CDC42BPA: variants seen among roughly 807,000 people sequenced by gnomAD.
The protein encoded by CDC42BPA is CDC42 binding protein kinase alpha.
Under a neutral mutation model 223.5 loss-of-function variants are expected in CDC42BPA, and 80 were observed. The ratio of observed to expected loss-of-function variants is 0.36; its 90% CI spans 0.30 to 0.43. The LOEUF (loss-of-function observed/expected upper bound fraction) is 0.43, where lower values mean the gene tolerates loss of function less well. CDC42BPA is among the 20% of genes least tolerant of loss of function. CDC42BPA has a pLI of 1.00. For missense variants in CDC42BPA, 1,743 were observed against 2,099.9 expected, an observed-to-expected ratio of 0.83 and a Z score of 3.32; for synonymous variants, 694 against 718.6, an observed-to-expected ratio of 0.97 and a Z score of 0.55.
intron 1 of CDC42BPA, among the ~76,000 whole-genome samples, chr1:227,299,452 A>T (rs758012428): frequency 3.9e-5 from 6 of 152,208 alleles, no homozygotes; most frequent in African/African-American, 1.2e-4. Context: ...AATGGTTTAC[A>T]TGTTTTTTAG....
At chr1:227,125,185 C>T (rs1364986258) in intron 11 of CDC42BPA, among the ~76,000 whole-genome samples, 2 of 133,570 alleles carry the variant, frequency 1.5e-5, no homozygotes, top group South Asian at 2.6e-4. Flanking sequence ...AACAATTCTA[C>T]TTGAGATAAA....
intron 6 of CDC42BPA, among the ~76,000 whole-genome samples, chr1:227,150,069 CA>C (rs1418668040): frequency 6.6e-6 from 1 of 151,554 alleles, no homozygotes; most frequent in Non-Finnish European, 1.5e-5. Flanking sequence ...ACAAAAAATA[CA>C]AAAATTAGCT....
chr1:227,090,708 G>T (rs576645347), intron 16 of CDC42BPA, among the ~76,000 whole-genome samples: 3 of 152,210 alleles, frequency 2.0e-5, no homozygotes, highest in Admixed American at 6.5e-5. Flanking sequence ...CAACTCAGGA[G>T]GCTGAGGCAG....
chr1:227,088,956 C>T (rs1030635977), intron 16 of CDC42BPA, among the ~76,000 whole-genome samples: 5 of 152,078 alleles, frequency 3.3e-5, no homozygotes, highest in African/African-American at 7.2e-5. Context: ...AAACTCCTGA[C>T]GTCAAGCGAT....
chr1:227,018,536 G>A (rs2148519676), intron 32 of CDC42BPA, among the ~76,000 whole-genome samples: 1 of 152,282 alleles, frequency 6.6e-6, no homozygotes, highest in Non-Finnish European at 1.5e-5. Context: ...GAAAAGACAA[G>A]TCAGAATAGG....
At chr1:226,996,828 A>G (rs1172930865) in intron 35 of CDC42BPA, among the ~76,000 whole-genome samples, 2 of 152,200 alleles carry the variant, frequency 1.3e-5, no homozygotes, top group African/African-American at 2.4e-5. Flanking sequence ...CGTGGTGGAT[A>G]AGCTTTTTGA....
intron 1 of CDC42BPA, among the ~76,000 whole-genome samples, 157 bp downstream of exon 1, chr1:227,316,848 T>G (rs1195279650): frequency 6.6e-6 from 1 of 152,208 alleles, no homozygotes; most frequent in Non-Finnish European, 1.5e-5. Flanking sequence ...GGGAAAATAT[T>G]TACCAAAAAC....
intron 3 of CDC42BPA, among the ~76,000 whole-genome samples, chr1:227,206,155 T>G (rs760287148): frequency 6.6e-6 from 1 of 152,260 alleles, no homozygotes; most frequent in Non-Finnish European, 1.5e-5. Context: ...TAAGGACATC[T>G]GTTAATGAGC....
intron 2 of CDC42BPA, among the ~76,000 whole-genome samples, chr1:227,220,282 T>TTATATATATATATATATATATATA (rs368690606): frequency 4.0e-5 from 4 of 100,880 alleles, no homozygotes; most frequent in East Asian, 3.0e-4. Flanking sequence ...AAAAGTCATG[T>TTATATATATATATATATATATATA]TATATATATA....
intron 1 of CDC42BPA, among the ~76,000 whole-genome samples, chr1:227,284,045 G>C (rs985266023): frequency 6.6e-6 from 1 of 152,108 alleles, no homozygotes; most frequent in Non-Finnish European, 1.5e-5. Context: ...GGGCAACACA[G>C]ACTATATCTC....
chr1:227,228,185 A>G lies in CDC42BPA; in HGVS notation c.271-14966T>C, dbSNP rs76000994. On this transcript the variant is annotated intron_variant, in intron 2 of 36. Coordinates refer to ENST00000366766, the MANE Select transcript of CDC42BPA (RefSeq NM_001394014.1). ...CAGCTAATGCATGTGGAGCTTAATC[A>G]CCTAGGTGATGGGTTGACAGGAGCA... 2.7e-3 allele frequency among the ~76,000 whole-genome samples: 412 copies of G among 152,314 alleles called. 12 individuals carry two copies. In the East Asian group the frequency reaches 0.052, roughly 19 times the overall value.
At chr1:227,242,321 G>A (rs888575456) in intron 2 of CDC42BPA, among the ~76,000 whole-genome samples, 1 of 152,042 alleles carries the variant, frequency 6.6e-6, no homozygotes, top group Non-Finnish European at 1.5e-5. Flanking sequence ...TTAGTAAAAT[G>A]CTGAACACTT....
intron 17 of CDC42BPA, among the ~76,000 whole-genome samples, chr1:227,075,824 G>C (rs1241800564): frequency 1.3e-5 from 2 of 152,154 alleles, no homozygotes; most frequent in African/African-American, 2.4e-5. Flanking sequence ...TGCTGGTTTA[G>C]TATCTACCAT....
chr1:227,300,241 A>G (rs972395037), intron 1 of CDC42BPA, among the ~76,000 whole-genome samples: 3 of 152,200 alleles, frequency 2.0e-5, no homozygotes, highest in South Asian at 2.1e-4. Context: ...TACAACCTCT[A>G]TGGAAAACTG....
chr1:227,202,618 T>A (rs1465016210), intron 3 of CDC42BPA, among the ~76,000 whole-genome samples: 1 of 152,102 alleles, frequency 6.6e-6, no homozygotes, highest in African/African-American at 2.4e-5. Flanking sequence ...AAAAAAATTA[T>A]TTTTTAAAAA....
At chr1:227,147,628 T>C (rs6685954) in intron 6 of CDC42BPA, 69 bp from the exon 7 acceptor site, 161,799 of 799,570 alleles carry the variant, frequency 0.2, 17,002 homozygotes, top group East Asian at 0.27. Flanking sequence ...TTACTTAAGA[T>C]ACACAATAGA....
At chr1:227,152,987 T>C (rs1409779106) in intron 6 of CDC42BPA, among the ~76,000 whole-genome samples, 1 of 151,834 alleles carries the variant, frequency 6.6e-6, no homozygotes, top group Non-Finnish European at 1.5e-5. Flanking sequence ...TTCATTAATA[T>C]AATATAAAAG....
chr1:227,089,684 A>C (rs987212833), intron 16 of CDC42BPA, among the ~76,000 whole-genome samples: 4 of 139,232 alleles, frequency 2.9e-5, no homozygotes, highest in Non-Finnish European at 6.1e-5. Context: ...CTCATCAAGG[A>C]GGCTTCATTA....
chr1:227,181,074 G>C (rs906523428), intron 5 of CDC42BPA, among the ~76,000 whole-genome samples: 16 of 151,846 alleles, frequency 1.1e-4, no homozygotes, highest in Non-Finnish European at 2.2e-4. Context: ...GAAAAGAAAG[G>C]GTACACCCTT....
Sources: allele counts gnomAD v4.1 joint callset (sites outside exome capture counted in the v4.1 genomes callset), GRCh38; gene constraint gnomAD v4.1.1; transcripts MANE v1.5; gene names NCBI Gene and HGNC (gene_info 2026-07-23, HGNC 2026-07-21).